RAB3GAP2: variants seen among roughly 807,000 people sequenced by gnomAD.
RAB3GAP2 encodes RAB3 GTPase activating non-catalytic protein subunit 2, also known as rab3 GTPase-activating protein non-catalytic subunit.
In RAB3GAP2, 87 loss-of-function variants were observed where a neutral mutation model predicts 185.3. That is an observed-to-expected ratio of 0.47 (90% CI 0.39 to 0.56). The LOEUF is 0.56. RAB3GAP2 is among the 20% of genes least tolerant of loss of function. The pLI, the probability that RAB3GAP2 is intolerant of heterozygous loss-of-function variation, is 0.00. For missense variants in RAB3GAP2, 1,492 were observed against 1,638.2 expected, an observed-to-expected ratio of 0.91 and a Z score of 1.54; for synonymous variants, 554 against 576.1, an observed-to-expected ratio of 0.96 and a Z score of 0.55.
chr1:220,191,403 A>G (rs1442476727), intron 13 of RAB3GAP2, 119 bp from the exon 14 acceptor site: 2 of 684,494 alleles, frequency 2.9e-6, no homozygotes, highest in Non-Finnish European at 5.1e-6. Flanking sequence ...CTATAAAAGT[A>G]TATTTTTTAT....
intron 21 of RAB3GAP2, among the ~76,000 whole-genome samples, chr1:220,179,987 C>T (rs984023923): frequency 6.6e-6 from 1 of 152,018 alleles, no homozygotes; most frequent in African/African-American, 2.4e-5. Flanking sequence ...CATTGTGAAA[C>T]CCCGTCTCTA....
Position 220,272,296 on chromosome 1 carries a change from G to A in RAB3GAP2, c.42C>T (p.Leu14=). The part of the protein sequence containing the change: ...SIVQFCYFQD[L]QAARDFLFPH... ...GAAAGAGGAAGTCCCGGGCGGCCTG[G>A]AGGTCCTGGAAGTAGCAGAACTGGA... Residue 14 remains leucine (L), a synonymous_variant, in exon 1 of 35, where the codon CTC becomes CTT. Coordinates refer to ENST00000358951, the MANE Select transcript of RAB3GAP2 (RefSeq NM_012414.4). The A allele has an allele frequency of 6.2e-7, 1 of 1,612,490 alleles. No individual in the cohort carries two copies. The highest frequency in any genetic ancestry group is 1.7e-5 in the Admixed American group (1 of 59,918).
intron 1 of RAB3GAP2, among the ~76,000 whole-genome samples, chr1:220,250,439 T>G (rs545278016): frequency 3.9e-5 from 6 of 152,366 alleles, no homozygotes; most frequent in Non-Finnish European, 7.3e-5. Context: ...TGCTTTTGAT[T>G]CTACAGGCTC....
chr1:220,198,573 T>A (rs999156668), intron 9 of RAB3GAP2, among the ~76,000 whole-genome samples: 1 of 152,228 alleles, frequency 6.6e-6, no homozygotes, highest in African/African-American at 2.4e-5. Context: ...TATGGCTTAT[T>A]TACATCTCTC....
At chr1:220,200,118 C>A (rs1307484993) in intron 9 of RAB3GAP2, among the ~76,000 whole-genome samples, 1 of 152,154 alleles carries the variant, frequency 6.6e-6, no homozygotes, top group East Asian at 1.9e-4. Flanking sequence ...CAAGTCACAC[C>A]AACCCCCTTT....
chr1:220,193,570 A>G (rs1300147356), intron 12 of RAB3GAP2, among the ~76,000 whole-genome samples, 191 bp from the exon 13 acceptor site: 1 of 152,200 alleles, frequency 6.6e-6, no homozygotes, highest in Admixed American at 6.5e-5. Flanking sequence ...AAAGAAATAA[A>G]ACCACAGTCC....
At chr1:220,155,302 C>T (rs920457229) in intron 31 of RAB3GAP2, among the ~76,000 whole-genome samples, 1 of 152,180 alleles carries the variant, frequency 6.6e-6, no homozygotes, top group African/African-American at 2.4e-5. Context: ...TAGGTATCTT[C>T]CAATGTGCCT....
At chr1:220,210,299 T>G (rs1454270578) in intron 7 of RAB3GAP2, 89 bp downstream of exon 7, 1 of 935,022 alleles carries the variant, frequency 1.1e-6, no homozygotes, top group East Asian at 2.4e-5. Flanking sequence ...AAGACAAAGA[T>G]CTCTTTTAAG....
rs1658828407 is a variant in RAB3GAP2, at chr1:220,200,474, ATTTGTTGAATAAATTAAC to A, written c.811+1784_811+1801del. On this transcript the variant is annotated intron_variant, in intron 9 of 34. Transcript: ENST00000358951. ...CACAAATATTAATAGGTACTCATTTATTTGTTGAATAAATTAACCAGACCTCTACATAAAGATGTACAT... is the reference window on the plus strand; with the variant it reads ...CACAAATATTAATAGGTACTCATTTACAGACCTCTACATAAAGATGTACAT... 5.9e-4 allele frequency: 263 copies of A among 442,906 alleles called. 1 individual carries two copies. Among genetic ancestry groups the A allele is most frequent in the South Asian group, 4.3e-3 (239 of 54,972 alleles). 27.4% of individuals were successfully genotyped at this position (442,906 alleles called of 1,614,324 possible). A position where few individuals can be genotyped will look rare whatever the true frequency, so the allele number is the denominator to read the frequency against.
At chr1:220,224,256 G>A (rs906889512) in intron 2 of RAB3GAP2, among the ~76,000 whole-genome samples, 1 of 152,068 alleles carries the variant, frequency 6.6e-6, no homozygotes, top group East Asian at 1.9e-4. Context: ...TGGCAGAGTT[G>A]GGACAGAAAT....
In RAB3GAP2 at chr1:220,190,433, A is replaced by T; in HGVS notation, c.1575T>A (p.Val525=). The part of the protein sequence containing the change: ...WQPQTYQICL[V]DPVSGSVKTV... ...TTTTCACACTTCCAGACACTGGATC[A>T]ACCAGACAGATCTGATAAGTCTGTG... Residue 525 remains valine (V), a synonymous_variant, in exon 15 of 35, where the codon GTT becomes GTA. Transcript: ENST00000358951. 1 of 1,614,038 alleles carries T rather than the reference A, an allele frequency of 6.2e-7. No homozygotes were observed. Among genetic ancestry groups the T allele is most frequent in the Non-Finnish European group, 8.5e-7 (1 of 1,179,898 alleles).
At chr1:220,169,049 A>G (rs540238789) in intron 24 of RAB3GAP2, among the ~76,000 whole-genome samples, 5 of 152,206 alleles carry the variant, frequency 3.3e-5, no homozygotes, top group Non-Finnish European at 7.3e-5. Flanking sequence ...TCATTGGAAA[A>G]TTCTCATTCC....
chr1:220,271,547 A>G (rs971134761), intron 1 of RAB3GAP2, among the ~76,000 whole-genome samples: 2 of 152,148 alleles, frequency 1.3e-5, no homozygotes, highest in Non-Finnish European at 2.9e-5. Flanking sequence ...TTTCTTGGCT[A>G]TGTCACTGTA....
intron 10 of RAB3GAP2, 27 bp from the exon 11 acceptor site, chr1:220,195,404 A>T (rs1485901567): frequency 1.3e-6 from 2 of 1,547,134 alleles, no homozygotes; most frequent in Non-Finnish European, 8.9e-7. Flanking sequence ...TTGAAAGAGA[A>T]AACTTAGTAG....
chr1:220,249,748 A>G (rs1659896761), intron 1 of RAB3GAP2, among the ~76,000 whole-genome samples: 1 of 152,134 alleles, frequency 6.6e-6, no homozygotes, highest in Non-Finnish European at 1.5e-5. Context: ...TTGGGACTTG[A>G]TGCTCTGTGT....
chr1:220,164,476 T>TTC (rs1161478928), intron 27 of RAB3GAP2, among the ~76,000 whole-genome samples: 12 of 145,340 alleles, frequency 8.3e-5, no homozygotes, highest in East Asian at 7.9e-4. Context: ...TTGTTTTGTT[T>TTC]TTTTTTTTTT....
intron 1 of RAB3GAP2, among the ~76,000 whole-genome samples, chr1:220,233,918 C>A (rs761104908): frequency 9.8e-5 from 15 of 152,318 alleles, no homozygotes; most frequent in Non-Finnish European, 1.9e-4. Context: ...CCAGGCTGGT[C>A]TTGAACTCCT....
At chr1:220,186,282 T>C (rs1354355264) in intron 17 of RAB3GAP2, among the ~76,000 whole-genome samples, 1 of 152,130 alleles carries the variant, frequency 6.6e-6, no homozygotes, top group Admixed American at 6.6e-5. Context: ...AAAATATCTC[T>C]TCATGCCTAA....
intron 1 of RAB3GAP2, among the ~76,000 whole-genome samples, chr1:220,240,491 G>T (rs1465330073): frequency 2.6e-5 from 4 of 151,888 alleles, no homozygotes; most frequent in Admixed American, 1.3e-4. Context: ...GAAAATCAAA[G>T]ATTGCATTAA....
Sources: gnomAD v4.1 joint callset for allele counts (sites outside exome capture counted in the v4.1 genomes callset) on GRCh38, gnomAD v4.1.1 for gene constraint, MANE v1.5 for transcripts, NCBI Gene and HGNC (gene_info 2026-07-23, HGNC 2026-07-21) for gene names.